Variants in CSMD1 observed in about 807,000 individuals in gnomAD.
The protein encoded by CSMD1 is CUB and Sushi multiple domains 1.
In CSMD1, 213 loss-of-function variants were observed where a neutral mutation model predicts 417.5. That is an observed-to-expected ratio of 0.51 (90% CI 0.46 to 0.57). CSMD1 has a LOEUF of 0.57. Among genes scored for constraint, CSMD1 ranks in the 20% least tolerant of loss-of-function variants. CSMD1 has a pLI of 0.00. For synonymous variants in CSMD1, 2,862 were observed against 1,736.8 expected (o/e 1.65, Z -16.11); for missense variants, 6,923 against 4,529.7 (o/e 1.53, Z -15.17).
chr8:3,631,026 G>A (rs138018317), intron 7 of CSMD1, among the ~76,000 whole-genome samples: 51 of 152,260 alleles, frequency 3.3e-4, no homozygotes, highest in Non-Finnish European at 6.3e-4. Flanking sequence ...CCTTGAAAAC[G>A]CAATCATGCT....
At chr8:4,734,067 T>C (rs1810068413) in intron 1 of CSMD1, among the ~76,000 whole-genome samples, 1 of 152,174 alleles carries the variant, frequency 6.6e-6, no homozygotes, top group East Asian at 1.9e-4. Context: ...GAAACTGAGG[T>C]GACAAGTTAT....
chr8:4,266,171 CA>C, intron 3 of CSMD1, among the ~76,000 whole-genome samples: 1 of 104,590 alleles, frequency 9.6e-6, no homozygotes, highest in Middle Eastern at 5.7e-3. Flanking sequence ...ACCAAAAACC[CA>C]GTGTTATTCA....
intron 26 of CSMD1, among the ~76,000 whole-genome samples, chr8:3,238,854 A>T (rs1799314965): frequency 6.6e-6 from 1 of 152,208 alleles, no homozygotes; most frequent in Non-Finnish European, 1.5e-5. Context: ...AAGAGATATC[A>T]GCTGTAATGG....
At chr8:4,665,130 T>G (rs1804838113) in intron 1 of CSMD1, among the ~76,000 whole-genome samples, 1 of 152,198 alleles carries the variant, frequency 6.6e-6, no homozygotes, top group Admixed American at 6.5e-5. Flanking sequence ...TCTGGCAATC[T>G]AGATTAAACC....
chr8:3,541,645 CAAATT>C (rs1201657158), intron 10 of CSMD1, among the ~76,000 whole-genome samples: 1 of 149,664 alleles, frequency 6.7e-6, no homozygotes, highest in Non-Finnish European at 1.5e-5. Context: ...CTTCACTAAT[CAAATT>C]AATCAAAATA....
At chr8:3,271,040 C>G (rs1425692040) in intron 26 of CSMD1, among the ~76,000 whole-genome samples, 2 of 151,884 alleles carry the variant, frequency 1.3e-5, no homozygotes, top group African/African-American at 2.4e-5. Flanking sequence ...AACTTGTCAT[C>G]TAGCAATAGG....
intron 2 of CSMD1, among the ~76,000 whole-genome samples, chr8:4,559,232 A>G (rs1357476093): frequency 1.4e-5 from 2 of 144,384 alleles, no homozygotes; most frequent in Non-Finnish European, 2.9e-5. Flanking sequence ...TAAACTTAAA[A>G]TGTTGGATAA....
chr8:4,607,429 C>G (rs1297096944), intron 2 of CSMD1, among the ~76,000 whole-genome samples: 2 of 152,060 alleles, frequency 1.3e-5, no homozygotes, highest in Non-Finnish European at 2.9e-5. Flanking sequence ...CGTGACTAAG[C>G]AAAAGGAAAC....
chr8:4,716,598 G>C (rs1234170035), intron 1 of CSMD1, among the ~76,000 whole-genome samples: 3 of 152,184 alleles, frequency 2.0e-5, no homozygotes, highest in Non-Finnish European at 2.9e-5. Flanking sequence ...TTATAGAAAT[G>C]AGTAGCAGAA....
Position 3,162,236 on chromosome 8 carries a change from T to G in CSMD1, c.5767A>C (p.Asn1923His), listed in dbSNP as rs949760650. Residue 1923 changes from asparagine to histidine, a missense_variant, in exon 38 of 70, where the codon AAC becomes CAC. Coordinates refer to ENST00000635120, the MANE Select transcript of CSMD1 (RefSeq NM_033225.6). ...AACQEPALPS[N>H]SIKIGDRYMV... is the part of the protein sequence containing the mutation. The stretch of plus-strand genomic sequence containing the variant: ...TACCGATCTCCGATTTTGATGCTGT[T>G]GCTGGGGAGGGCTGGTTCTTGGCAT... The G allele has an allele frequency of 1.9e-6, 3 of 1,611,354 alleles. No individual in the cohort carries two copies. In the African/African-American group the frequency reaches 4.0e-5, roughly 22 times the overall value.
intron 21 of CSMD1, among the ~76,000 whole-genome samples, chr8:3,356,814 G>A (rs546336740): frequency 6.6e-6 from 1 of 152,218 alleles, no homozygotes; most frequent in Admixed American, 6.5e-5. Context: ...GCTGAGCACT[G>A]GGTGCACTCT....
intron 8 of CSMD1, among the ~76,000 whole-genome samples, chr8:3,614,523 A>C (rs1002770227): frequency 5.3e-5 from 8 of 152,364 alleles, no homozygotes; most frequent in African/African-American, 1.9e-4. Context: ...ATTGGCCTGA[A>C]TATTCACAAC....
chr8:4,183,821 T>C (rs1798514061), intron 3 of CSMD1, among the ~76,000 whole-genome samples: 1 of 152,216 alleles, frequency 6.6e-6, no homozygotes, highest in Non-Finnish European at 1.5e-5. Flanking sequence ...ACTTATTAAA[T>C]GTCTCCCCTC....
intron 1 of CSMD1, among the ~76,000 whole-genome samples, chr8:4,722,368 T>G (rs1305648004): frequency 1.3e-5 from 2 of 152,150 alleles, no homozygotes; most frequent in Non-Finnish European, 2.9e-5. Flanking sequence ...AAAGGCAAAC[T>G]TAACTAAATA....
At chr8:3,015,099 G>GA (rs112300846) in intron 52 of CSMD1, among the ~76,000 whole-genome samples, 50,446 of 147,436 alleles carry the variant, frequency 0.34, 9,048 homozygotes, top group East Asian at 0.58. Context: ...GCTTCTTAAT[G>GA]AAAAAAAAAA....
intron 3 of CSMD1, among the ~76,000 whole-genome samples, chr8:4,061,264 T>C (rs1439949817): frequency 6.6e-6 from 1 of 152,160 alleles, no homozygotes; most frequent in African/African-American, 2.4e-5. Flanking sequence ...GACACAGGCA[T>C]GGAATATTGA....
intron 2 of CSMD1, among the ~76,000 whole-genome samples, chr8:4,440,936 G>A (rs529898500): frequency 2.3e-4 from 35 of 151,232 alleles, no homozygotes; most frequent in African/African-American, 8.5e-4. Context: ...GGCGGAGGTT[G>A]CAGCGAGCCG....
chr8:3,932,557 G>A (rs373782405), intron 5 of CSMD1, among the ~76,000 whole-genome samples: 1 of 150,582 alleles, frequency 6.6e-6, no homozygotes, highest in African/African-American at 2.5e-5. Flanking sequence ...AAAGTTCAAT[G>A]CATTGCAGTC....
At position 3,511,288 on chromosome 8, in the gene CSMD1, G is replaced by C. The variant is rs142506353; in HGVS notation, c.1345-17562C>G. ...GAGAAATACCTAATGTAGATGACAG[G>C]TTGATGGATACAGCAAACCACAATG... On this transcript the variant is annotated intron_variant, in intron 10 of 69. Transcript: ENST00000635120. Among the ~76,000 whole-genome samples, 653 of 151,764 alleles carry C rather than the reference G, an allele frequency of 4.3e-3. 2 individuals carry two copies. Among genetic ancestry groups the C allele is most frequent in the Admixed American group, 6.4e-3 (98 of 15,274 alleles).
Sources: allele counts gnomAD v4.1 joint callset (sites outside exome capture counted in the v4.1 genomes callset), GRCh38; gene constraint gnomAD v4.1.1; transcripts MANE v1.5; gene names NCBI Gene and HGNC (gene_info 2026-07-23, HGNC 2026-07-21).